Variants in CYFIP2 observed in about 807,000 individuals in gnomAD.
CYFIP2 encodes the protein cytoplasmic FMR1-interacting protein 2.
In CYFIP2, 29 loss-of-function variants were observed where a neutral mutation model predicts 158.7. That is an observed-to-expected ratio of 0.18 (90% confidence interval 0.14 to 0.25). CYFIP2 has a LOEUF of 0.25. CYFIP2 is among the 10% of genes least tolerant of loss of function. CYFIP2 has a pLI of 1.00. For missense variants in CYFIP2, 852 were observed against 1,639.5 expected (o/e 0.52, Z 8.29); for synonymous variants, 585 against 617.6 (o/e 0.95, Z 0.78).
At chr5:157,351,339 C>G (rs1385239561) in intron 23 of CYFIP2, among the ~76,000 whole-genome samples, 2 of 152,200 alleles carry the variant, frequency 1.3e-5, no homozygotes, top group African/African-American at 2.4e-5. Context: ...AGTTTACACC[C>G]TGAATTGCAT....
rs1762219580 is a variant in CYFIP2, at chr5:157,341,157, G to A, written c.2673G>A (p.Lys891=). ...NVQPYYLYGS[K]PLNIAYSHIY... The stretch of plus-strand genomic sequence containing the variant: ...AGCCTTATTACCTCTATGGATCCAA[G>A]GTAAGTAGTCCTGCCCTACCCTGCC... The change falls in exon 23 of 31, where the codon AAG becomes AAA. Residue 891 remains lysine (K), a splice_region_variant and synonymous_variant. Coordinates refer to ENST00000620254, the MANE Select transcript of CYFIP2 (RefSeq NM_001037333.3). The A allele has an allele frequency of 1.2e-6, 2 of 1,613,656 alleles. No individual in the cohort carries two copies. Among genetic ancestry groups the A allele is most frequent in the South Asian group, 1.1e-5 (1 of 91,078 alleles).
At chr5:157,358,957 G>GAC in intron 23 of CYFIP2, 48 bp from the exon 24 acceptor site, 2 of 1,612,040 alleles carry the variant, frequency 1.2e-6, no homozygotes, top group Non-Finnish European at 1.7e-6. Flanking sequence ...CTCCACCAGT[G>GAC]TCCATTCAGT....
chr5:157,379,419 T>C (rs948306227), intron 26 of CYFIP2, among the ~76,000 whole-genome samples: 3 of 151,984 alleles, frequency 2.0e-5, no homozygotes, highest in Admixed American at 6.6e-5. Flanking sequence ...CACTTAAAAA[T>C]TGATAAGCTG....
Position 157,342,557 on chromosome 5 carries a change from T to C in CYFIP2, c.2673+1400T>C, listed in dbSNP as rs577176033. 4.7e-4 allele frequency: 126 copies of C among 270,228 alleles called. 1 individual carries two copies. The highest frequency in any genetic ancestry group is 2.6e-3 in the African/African-American group (119 of 45,974). 16.7% of individuals were successfully genotyped at this position (270,228 alleles called of 1,614,324 possible). ...CTGTGTTTTATTTGTCATGCAAATTTTTGCTTTCTACTTTATAACATATCC... is the reference window on the plus strand; with the variant it reads ...CTGTGTTTTATTTGTCATGCAAATTCTTGCTTTCTACTTTATAACATATCC... On this transcript the variant is annotated intron_variant, in intron 23 of 30. Transcript: ENST00000620254.
At chr5:157,383,738 C>T (rs1370757599) in intron 28 of CYFIP2, among the ~76,000 whole-genome samples, 1 of 152,192 alleles carries the variant, frequency 6.6e-6, no homozygotes, top group African/African-American at 2.4e-5. Flanking sequence ...CTTAACGGAA[C>T]ACTAGATGCT....
At chr5:157,297,112 A>G (rs1315007303) in intron 5 of CYFIP2, among the ~76,000 whole-genome samples, 1 of 152,244 alleles carries the variant, frequency 6.6e-6, no homozygotes, top group African/African-American at 2.4e-5. Flanking sequence ...CTTTAGGGAC[A>G]GCCTCTCAGG....
At position 157,361,192 on chromosome 5, in the gene CYFIP2, G is replaced by T. The variant is rs1197053304; in HGVS notation, c.2909-276G>T. On this transcript the variant is annotated intron_variant, in intron 25 of 30. Coordinates refer to ENST00000620254, the MANE Select transcript of CYFIP2 (RefSeq NM_001037333.3). The surrounding 1 kb of genome is among the most constrained non-coding windows in gnomAD (Gnocchi z 4.4). ...CAGGCAACTTTGGAGGGACTGGGAA[G>T]GGTCCAATGGTGCCTCATTTGTGTG... 2.6e-5 allele frequency among the ~76,000 whole-genome samples: 4 copies of T among 151,968 alleles called. No homozygotes were observed. Among genetic ancestry groups the T allele is most frequent in the Non-Finnish European group, 4.4e-5 (3 of 68,020 alleles).
At chr5:157,319,122 G>C (rs1362492433) in intron 13 of CYFIP2, among the ~76,000 whole-genome samples, 7 of 152,102 alleles carry the variant, frequency 4.6e-5, no homozygotes, top group Non-Finnish European at 1.0e-4. Flanking sequence ...CCAAAAGAGC[G>C]AGCCAAGGTC....
intron 28 of CYFIP2, among the ~76,000 whole-genome samples, chr5:157,383,977 C>T (rs886859246): frequency 5.3e-5 from 8 of 152,048 alleles, no homozygotes; most frequent in African/African-American, 1.9e-4. Flanking sequence ...TTTTTAAATG[C>T]ACACAACAAA....
At chr5:157,328,125 C>T (rs1016243409) in intron 19 of CYFIP2, 76 bp downstream of exon 19, 2 of 1,398,578 alleles carry the variant, frequency 1.4e-6, no homozygotes, top group Non-Finnish European at 2.0e-6. Flanking sequence ...TGTTGTGAAA[C>T]CTCCCTTCTT....
At chr5:157,325,415 A>T in intron 16 of CYFIP2, 67 bp from the exon 17 acceptor site, 1 of 1,465,104 alleles carries the variant, frequency 6.8e-7, no homozygotes, top group Middle Eastern at 1.8e-4. Flanking sequence ...AAAATTAATA[A>T]AAACAATGAG....
chr5:157,314,883 A>G, intron 12 of CYFIP2, 86 bp from the exon 13 acceptor site: 2 of 1,089,436 alleles, frequency 1.8e-6, no homozygotes, highest in Non-Finnish European at 2.7e-6. Context: ...TTTCCAGCTG[A>G]ATAATATTCC....
chr5:157,280,443 C>T (rs955716282), intron 1 of CYFIP2, among the ~76,000 whole-genome samples: 5 of 149,996 alleles, frequency 3.3e-5, no homozygotes, highest in African/African-American at 7.4e-5. Flanking sequence ...AGGCTGGTCT[C>T]GAACTCCTGA....
In CYFIP2 at chr5:157,370,321, G is replaced by A. The variant is rs182869274; in HGVS notation, c.3039+8723G>A. 3.1e-3 allele frequency among the ~76,000 whole-genome samples: 477 copies of A among 152,286 alleles called. 1 individual carries two copies. The highest frequency in any genetic ancestry group is 5.3e-3 in the Non-Finnish European group (363 of 68,036). On this transcript the variant is annotated intron_variant, in intron 26 of 30. Transcript: ENST00000620254. ...AGTTGTCACAGTTCTTGCCACATCT[G>A]CAGATCACTGATTCTGTTATTTACA...
intron 5 of CYFIP2, among the ~76,000 whole-genome samples, chr5:157,298,131 T>A (rs1376355186): frequency 9.9e-5 from 15 of 152,198 alleles, no homozygotes; most frequent in African/African-American, 2.7e-4. Context: ...CTTTTCTTCC[T>A]TCTCTTTCTT....
chr5:157,357,647 G>A, intron 23 of CYFIP2, among the ~76,000 whole-genome samples: 1 of 152,002 alleles, frequency 6.6e-6, no homozygotes, highest in East Asian at 1.9e-4. Flanking sequence ...TGGCCAACAT[G>A]GTGAAACCCC....
At chr5:157,374,479 C>T (rs752149284) in intron 26 of CYFIP2, among the ~76,000 whole-genome samples, 5 of 152,094 alleles carry the variant, frequency 3.3e-5, no homozygotes, top group Non-Finnish European at 7.4e-5. Context: ...TCCCCCCATA[C>T]CCCCAAAATA....
intron 1 of CYFIP2, chr5:157,271,687 A>G (rs944807181): frequency 6.6e-6 from 1 of 152,222 alleles, no homozygotes; most frequent in Non-Finnish European, 1.5e-5. Context: ...CACATTTTAC[A>G]GACAGAGAAA....
At chr5:157,328,841 G>T (rs918612454) in intron 19 of CYFIP2, among the ~76,000 whole-genome samples, 8 of 152,366 alleles carry the variant, frequency 5.3e-5, no homozygotes, top group African/African-American at 1.9e-4. Flanking sequence ...GATCAGAGAT[G>T]TATCAAGCTT....
Sources: allele counts gnomAD v4.1 joint callset (sites outside exome capture counted in the v4.1 genomes callset), GRCh38; gene constraint gnomAD v4.1.1; non-coding constraint Gnocchi (gnomAD v3.1); transcripts MANE v1.5; gene names NCBI Gene and HGNC (gene_info 2026-07-23, HGNC 2026-07-21).